The following STK36 variants were observed in gnomAD, a reference collection of about 807,000 sequenced individuals.
STK36 encodes the protein serine/threonine kinase 36.
Under a neutral mutation model 142.2 loss-of-function variants are expected in STK36, and 116 were observed. The observed-to-expected ratio is 0.82, with a 90% CI of 0.70 to 0.95. The LOEUF (loss-of-function observed/expected upper bound fraction) is 0.95, where lower values mean the gene tolerates loss of function less well. STK36 is among the 40% of genes least tolerant of loss of function. STK36 has a pLI of 0.00. For missense variants in STK36, 1,422 were observed against 1,617.2 expected, an observed-to-expected ratio of 0.88 and a Z score of 2.07; for synonymous variants, 619 against 641.7, an observed-to-expected ratio of 0.96 and a Z score of 0.53.
At chr2:218,673,102 G>A (rs535628473) in intron 2 of STK36, 189 bp downstream of exon 2, 84 of 540,904 alleles carry the variant, frequency 1.6e-4, no homozygotes, top group Non-Finnish European at 2.4e-4. Context: ...CCGCTTTCTA[G>A]CCCTAGAATT....
intron 6 of STK36, 55 bp from the exon 7 acceptor site, chr2:218,679,113 G>C (rs1385487117): frequency 1.3e-6 from 2 of 1,543,418 alleles, no homozygotes; most frequent in Non-Finnish European, 1.8e-6. Flanking sequence ...TGCTGATAGA[G>C]AGAGACTTAA....
intron 21 of STK36, among the ~76,000 whole-genome samples, chr2:218,696,244 A>C (rs778332631): frequency 1.3e-5 from 2 of 152,160 alleles, no homozygotes; most frequent in African/African-American, 2.4e-5. Context: ...AATAATACTC[A>C]TCTGCTTTTT....
At chr2:218,673,206 A>G (rs1478429844) in intron 2 of STK36, 5 of 400,802 alleles carry the variant, frequency 1.2e-5, no homozygotes, top group Non-Finnish European at 2.2e-5. Flanking sequence ...TGAGGATTAA[A>G]TATGTTTTCA....
intron 26 of STK36, among the ~76,000 whole-genome samples, chr2:218,700,400 T>G (rs1014397176): frequency 6.6e-6 from 1 of 151,730 alleles, no homozygotes; most frequent in African/African-American, 2.4e-5. Flanking sequence ...ATTTATTTAT[T>G]TATTTACTTA....
intron 6 of STK36, 108 bp downstream of exon 6, chr2:218,676,386 TA>T (rs1436456807): frequency 1.9e-5 from 26 of 1,391,812 alleles, no homozygotes; most frequent in Non-Finnish European, 2.5e-5. Context: ...ACTTTGCAGT[TA>T]CTGAATTAAT....
Position 218,698,883 on chromosome 2 carries a change from C to T in STK36, c.3339C>T (p.Pro1113=), listed in dbSNP as rs200166900. 4.3e-6 allele frequency: 7 copies of T among 1,614,220 alleles called. No individual in the cohort carries two copies. In the Admixed American group the frequency reaches 1.0e-4, roughly 23 times the overall value. The change falls in exon 26 of 27, where the codon CCC becomes CCT. Residue 1113 remains proline, a synonymous_variant. Transcript: ENST00000295709. ...LLAGSDESYR[P]LRSLLGHPEN... is the part of the protein sequence containing the mutation. ...CTGGCTCTGATGAATCCTATCGGCCCCTGCGCAGCCTCCTGGGCCACCCAG... is the reference window on the plus strand; with the variant it reads ...CTGGCTCTGATGAATCCTATCGGCCTCTGCGCAGCCTCCTGGGCCACCCAG...
Position 218,699,230 on chromosome 2 carries a change from T to C in STK36, c.3686T>C (p.Leu1229Ser), listed in dbSNP as rs1047320127. The C allele has an allele frequency of 1.1e-5, 17 of 1,613,766 alleles. No individual in the cohort carries two copies. The highest frequency in any genetic ancestry group is 1.4e-5 in the Non-Finnish European group (16 of 1,180,010). ...CCTGAAGGTTTGGGAGAGGAGCTGT[T>C]ACAGTGCGAAGTACCCCAGCGGCTC... ...LGPEGLGEEL[L>S]QCEVPQRLLE... The change falls in exon 26 of 27, where the codon TTA becomes TCA. Residue 1229 changes from leucine to serine, a missense_variant. Leu to Ser is a moderately radical substitution (Grantham distance 145). Coordinates refer to ENST00000295709, the MANE Select transcript of STK36 (RefSeq NM_015690.5).
chr2:218,692,336 G>A (rs954518173), intron 15 of STK36, 43 bp downstream of exon 15: 5 of 1,610,944 alleles, frequency 3.1e-6, no homozygotes, highest in Non-Finnish European at 4.2e-6. Context: ...CTTACTTGTT[G>A]CATAGGTCAG....
At chr2:218,695,983 C>A (rs1172360616) in intron 21 of STK36, among the ~76,000 whole-genome samples, 1 of 149,002 alleles carries the variant, frequency 6.7e-6, no homozygotes, top group Non-Finnish European at 1.5e-5. Context: ...CCTGCCTTAT[C>A]CTCCTGAGTA....
At chr2:218,697,820 CAA>C (rs779062728) in intron 24 of STK36, 32 bp from the exon 25 acceptor site, 15 of 1,613,900 alleles carry the variant, frequency 9.3e-6, no homozygotes. Context: ...GTTAAGTGAA[CAA>C]GACCAAGTCT....
At position 218,685,085 on chromosome 2, in the gene STK36, G is replaced by T; in HGVS notation, c.1237G>T (p.Glu413Ter). Reference sequence around the variant, plus strand: ...CCCCTTTCACTCCCCTCTGCCTCAGGAGCCAGACAGTGACAATGAGTGGCA... The same window carrying T: ...CCCCTTTCACTCCCCTCTGCCTCAGTAGCCAGACAGTGACAATGAGTGGCA... The part of the protein sequence containing the change: ...STDVVDLENE[E>*]PDSDNEWQHL... The change falls in exon 11 of 27, where the codon GAG (glutamate) becomes TAG (stop). Residue 413 changes from glutamate to a stop codon, truncating the protein, a stop_gained and splice_region_variant. Coordinates refer to ENST00000295709, the MANE Select transcript of STK36 (RefSeq NM_015690.5). LOFTEE classifies it high-confidence loss of function. The T allele has an allele frequency of 6.2e-7, 1 of 1,614,010 alleles. No homozygotes were observed. Among genetic ancestry groups the T allele is most frequent in the Non-Finnish European group, 8.5e-7 (1 of 1,179,968 alleles).
chr2:218,679,606 C>T lies in STK36; in HGVS notation c.825C>T (p.Ser275=), dbSNP rs779401426. 2 of 1,614,130 alleles carry T rather than the reference C, an allele frequency of 1.2e-6. No individual in the cohort carries two copies. Among genetic ancestry groups the T allele is most frequent in the Non-Finnish European group, 1.7e-6 (2 of 1,180,008 alleles). ...AGPDLGTPFT[S]RLPPELQVLK... is the part of the protein sequence containing the mutation. ...CAGATTTGGGGACCCCATTCACCAG[C>T]CGCCTACCCCCAGAACTTCAGGTCC... Residue 275 remains serine (S), a synonymous_variant, in exon 8 of 27, where the codon AGC becomes AGT. Transcript: ENST00000295709.
At chr2:218,700,210 T>A (rs913075144) in intron 26 of STK36, among the ~76,000 whole-genome samples, 1 of 151,090 alleles carries the variant, frequency 6.6e-6, no homozygotes, top group Non-Finnish European at 1.5e-5. Flanking sequence ...CGTGAGCCAC[T>A]CTTTTTTTTT....
intron 6 of STK36, among the ~76,000 whole-genome samples, chr2:218,678,751 C>T (rs148946816): frequency 6.6e-6 from 1 of 152,318 alleles, no homozygotes; most frequent in East Asian, 1.9e-4. Context: ...ACCAAAAATG[C>T]ATCTGTTCCT....
At chr2:218,680,745 A>G (rs1445130177) in intron 10 of STK36, 43 bp downstream of exon 10, 5 of 1,546,124 alleles carry the variant, frequency 3.2e-6, no homozygotes, top group Non-Finnish European at 4.4e-6. Context: ...CTTTCATGGG[A>G]TGTTAAGTCT....
chr2:218,676,797 C>T (rs752840366), intron 6 of STK36, among the ~76,000 whole-genome samples: 59 of 151,840 alleles, frequency 3.9e-4, no homozygotes, highest in Non-Finnish European at 6.9e-4. Context: ...TACAGGTGCC[C>T]ACCACGACAC....
chr2:218,699,977 T>A (rs928870292), intron 26 of STK36, among the ~76,000 whole-genome samples: 3 of 151,756 alleles, frequency 2.0e-5, no homozygotes, highest in Admixed American at 1.3e-4. Flanking sequence ...CAGGCCGGAG[T>A]GCATGGCATG....
In STK36 at chr2:218,692,684, C is replaced by T. The variant is rs750981401; in HGVS notation, c.2017C>T (p.Pro673Ser). 4 of 1,613,156 alleles carry T rather than the reference C, an allele frequency of 2.5e-6. No individual in the cohort carries two copies. The South Asian group carries it at 4.4e-5, about 18-fold the overall frequency. ...AAICTAPVGL[P>S]DCWDAKEQVC... Reference sequence around the variant, plus strand: ...CATATGCACTGCTCCTGTGGGACTGCCCGACTGCTGGGATGCCAAGGAGCA... The same window carrying T: ...CATATGCACTGCTCCTGTGGGACTGTCCGACTGCTGGGATGCCAAGGAGCA... Residue 673 changes from proline (P) to serine (S), a missense_variant, in exon 16 of 27, where the codon CCC becomes TCC. Around this residue, in one of 2 missense-constraint regions of STK36, gnomAD observed 962 missense variants for 1,167.5 expected, o/e 0.82. Transcript: ENST00000295709.
intron 7 of STK36, 68 bp downstream of exon 7, chr2:218,679,329 T>G: frequency 6.8e-7 from 1 of 1,475,338 alleles, no homozygotes; most frequent in Non-Finnish European, 9.4e-7. Context: ...TCCCTTTCAC[T>G]TCCCCGACCA....
Sources: gnomAD v4.1 joint callset for allele counts (sites outside exome capture counted in the v4.1 genomes callset) on GRCh38, gnomAD v4.1.1 for gene constraint, gnomAD v4.1.1 regional missense constraint, MANE v1.5 for transcripts, NCBI Gene and HGNC (gene_info 2026-07-23, HGNC 2026-07-21) for gene names.